TACC2: variants seen among roughly 807,000 people sequenced by gnomAD.
TACC2 encodes the protein transforming acidic coiled-coil-containing protein 2.
Under a neutral mutation model 227.3 loss-of-function variants are expected in TACC2, and 137 were observed. The ratio of observed to expected loss-of-function variants is 0.60; its 90% CI spans 0.52 to 0.69. The LOEUF is 0.69. TACC2 is among the 30% of genes least tolerant of loss of function. The pLI, the probability that TACC2 is intolerant of heterozygous loss-of-function variation, is 0.00. For synonymous variants in TACC2, 1,523 were observed against 1,487.5 expected (o/e 1.02, Z -0.55); for missense variants, 3,470 against 3,694.4 (o/e 0.94, Z 1.57).
chr10:122,070,915 C>A (rs1008980243), intron 3 of TACC2, among the ~76,000 whole-genome samples: 1 of 151,644 alleles, frequency 6.6e-6, no homozygotes, highest in Non-Finnish European at 1.5e-5. Context: ...CAGAGGAAGA[C>A]CCTGTCTGGA....
At chr10:122,014,799 G>C (rs1057245035) in intron 1 of TACC2, among the ~76,000 whole-genome samples, 16 of 152,170 alleles carry the variant, frequency 1.1e-4, no homozygotes, top group African/African-American at 3.1e-4. Flanking sequence ...CTCAGCCACA[G>C]TGATTAGTCA....
chr10:122,027,058 A>G (rs1275242408), intron 2 of TACC2, among the ~76,000 whole-genome samples: 1 of 152,172 alleles, frequency 6.6e-6, no homozygotes, highest in African/African-American at 2.4e-5. Flanking sequence ...AAGTGGCTGT[A>G]CCATTTTGCG....
chr10:122,066,815 T>C (rs1345068290), intron 3 of TACC2, among the ~76,000 whole-genome samples: 1 of 152,262 alleles, frequency 6.6e-6, no homozygotes. Flanking sequence ...TTTTTTGCCT[T>C]CTTTTGGATT....
At position 122,083,695 on chromosome 10, in the gene TACC2, G is replaced by C. The variant is rs141547215; in HGVS notation, c.1195G>C (p.Gly399Arg). 1 of 1,613,044 alleles carries C rather than the reference G, an allele frequency of 6.2e-7. No individual in the cohort carries two copies. The highest frequency in any genetic ancestry group is 1.3e-5 in the African/African-American group (1 of 74,938). Residue 399 changes from glycine to arginine, a missense_variant, in exon 4 of 23, where the codon GGG becomes CGG. By Grantham distance (125) the Gly-to-Arg change is moderately radical. Coordinates refer to ENST00000369005, the MANE Select transcript of TACC2 (RefSeq NM_206862.4). ...TGTGGCAGCAGGCGGCCAGCCCGAA[G>C]GGGGTTTGCCTGTGAGCCCTGAACC... ...VCVAAGGQPE[G>R]GLPVSPEPSL... is the part of the protein sequence containing the mutation.
intron 7 of TACC2, among the ~76,000 whole-genome samples, chr10:122,186,804 C>T (rs1309845648): frequency 6.6e-6 from 1 of 152,212 alleles, no homozygotes; most frequent in Non-Finnish European, 1.5e-5. Flanking sequence ...TGTGACACCG[C>T]CCCCGGCCAA....
In TACC2 at chr10:122,085,933, C is replaced by T; in HGVS notation, c.3433C>T (p.Gln1145Ter). 6.2e-7 allele frequency: 1 copy of T among 1,613,166 alleles called. No individual in the cohort carries two copies. Among genetic ancestry groups the T allele is most frequent in the Non-Finnish European group, 8.5e-7 (1 of 1,179,486 alleles). Residue 1145 changes from glutamine (Q) to a stop codon, truncating the protein, a stop_gained, in exon 4 of 23, where the codon CAG becomes TAG. Coordinates refer to ENST00000369005, the MANE Select transcript of TACC2 (RefSeq NM_206862.4). LOFTEE classifies it high-confidence loss of function. The part of the protein sequence containing the change: ...SAGAGDPGKQ[Q>*]APEKPGEATL... ...TGGTGCAGGAGACCCAGGAAAGCAG[C>T]AGGCTCCGGAGAAACCTGGAGAAGC...
chr10:122,070,766 A>AG lies in TACC2; in HGVS notation c.147-11881_147-11880insG, dbSNP rs1403158894. Among the ~76,000 whole-genome samples the AG allele has an allele frequency of 3.4e-3, 518 of 151,332 alleles. 4 individuals are homozygous for AG. The highest frequency in any genetic ancestry group is 0.012 in the African/African-American group (491 of 41,172). On this transcript the variant is annotated intron_variant, in intron 3 of 22. Transcript: ENST00000369005. Reference sequence around the variant, plus strand: ...AAAATTCCGTCTCAAAAAAAAAAAAAAAAAAGAAATTAGCTAGGTGTGGTA... The same window carrying AG: ...AAAATTCCGTCTCAAAAAAAAAAAAAGAAAAAGAAATTAGCTAGGTGTGGTA...
At chr10:122,220,493 C>G (rs1213109786) in intron 11 of TACC2, among the ~76,000 whole-genome samples, 1 of 152,172 alleles carries the variant, frequency 6.6e-6, no homozygotes, top group Non-Finnish European at 1.5e-5. Flanking sequence ...CTAACACACC[C>G]AGGGTCCCCC....
intron 16 of TACC2, among the ~76,000 whole-genome samples, chr10:122,233,252 A>T (rs573285567): frequency 6.6e-6 from 1 of 152,302 alleles, no homozygotes; most frequent in East Asian, 1.9e-4. Context: ...GGTCACTGGA[A>T]ATGTGGTACA....
In TACC2 at chr10:122,050,706, ACCTC is replaced by A; in HGVS notation, c.146+157_146+160del. On this transcript the variant is annotated intron_variant, in intron 3 of 22. Coordinates refer to ENST00000369005, the MANE Select transcript of TACC2 (RefSeq NM_206862.4). The surrounding 1 kb of genome is among the most constrained non-coding windows in gnomAD (Gnocchi z 4.6). Reference sequence around the variant, plus strand: ...AGATGTTCCAAGCAGTGGTTCACAGACCTCTCTGTGACTGGCTAGGCCTGCATGA... The same window carrying A: ...AGATGTTCCAAGCAGTGGTTCACAGATCTGTGACTGGCTAGGCCTGCATGA... 1.6e-6 allele frequency: 1 copy of A among 612,012 alleles called. No homozygotes were observed. The highest frequency in any genetic ancestry group is 2.9e-6 in the Non-Finnish European group (1 of 342,756). 37.9% of individuals were successfully genotyped at this position (612,012 alleles called of 1,614,324 possible).
Position 122,084,407 on chromosome 10 carries a change from C to T in TACC2, c.1907C>T (p.Pro636Leu), listed in dbSNP as rs113893072. The T allele has an allele frequency of 1.3e-3, 2,080 of 1,612,990 alleles. 4 individuals carry two copies. The highest frequency in any genetic ancestry group is 1.6e-3 in the Non-Finnish European group (1,926 of 1,180,030). Residue 636 changes from proline (P) to leucine (L), a missense_variant, in exon 4 of 23, where the codon CCC becomes CTC. By Grantham distance (98) the Pro-to-Leu change is moderately conservative. Around this residue, in one of 10 missense-constraint regions of TACC2, gnomAD observed 1,924 missense variants for 1,978.3 expected, o/e 0.97. Coordinates refer to ENST00000369005, the MANE Select transcript of TACC2 (RefSeq NM_206862.4). ...DHPSSHSAQP[P>L]RKGGAGHTDG... is the part of the protein sequence containing the mutation. ...CCCAGCTCACACTCAGCACAGCCAC[C>T]CAGAAAGGGGGGTGCTGGGCACACG...
chr10:122,000,021 A>G (rs1401183801), intron 1 of TACC2, among the ~76,000 whole-genome samples: 1 of 152,220 alleles, frequency 6.6e-6, no homozygotes, highest in African/African-American at 2.4e-5. Context: ...AAGACTTGGG[A>G]TCCAACACTT....
intron 7 of TACC2, among the ~76,000 whole-genome samples, chr10:122,157,910 G>A (rs912737877): frequency 9.9e-5 from 15 of 151,706 alleles, no homozygotes; most frequent in Admixed American, 3.3e-4. Context: ...CAGTCTTTTC[G>A]AACGTGGTAT....
chr10:122,019,232 T>C (rs911620452), intron 1 of TACC2, among the ~76,000 whole-genome samples: 1 of 152,214 alleles, frequency 6.6e-6, no homozygotes, highest in Non-Finnish European at 1.5e-5. Context: ...ATGACCTCAC[T>C]TGCCGAAACT....
intron 7 of TACC2, chr10:122,192,846 G>A: frequency 2.3e-6 from 1 of 439,638 alleles, no homozygotes; most frequent in Non-Finnish European, 4.7e-6. Flanking sequence ...ATGGTGCAGT[G>A]CTGGGGGCCT....
At chr10:122,239,139 G>T (rs2095925995) in intron 18 of TACC2, among the ~76,000 whole-genome samples, 1 of 152,140 alleles carries the variant, frequency 6.6e-6, no homozygotes, top group African/African-American at 2.4e-5. Context: ...AAGTAGCTGG[G>T]ATTACAGGCA....
intron 7 of TACC2, among the ~76,000 whole-genome samples, chr10:122,160,572 C>T (rs891887140): frequency 1.3e-5 from 2 of 151,818 alleles, no homozygotes; most frequent in African/African-American, 2.4e-5. Context: ...TCTTTTTATA[C>T]GGGTATAATC....
At chr10:122,224,660 T>G (rs998135457) in intron 11 of TACC2, 66 bp from the exon 12 acceptor site, 18 of 1,485,848 alleles carry the variant, frequency 1.2e-5, no homozygotes, top group Non-Finnish European at 1.7e-5. Flanking sequence ...ATCTTCCCAT[T>G]TTTTTCCTCT....
chr10:122,031,664 A>G (rs1958993232), intron 2 of TACC2, among the ~76,000 whole-genome samples: 1 of 151,324 alleles, frequency 6.6e-6, no homozygotes, highest in African/African-American at 2.4e-5. Flanking sequence ...TGGCCTCCCA[A>G]AGTGCTGGGA....
Sources: gnomAD v4.1 joint callset for allele counts (sites outside exome capture counted in the v4.1 genomes callset) on GRCh38, gnomAD v4.1.1 for gene constraint, gnomAD v4.1.1 regional missense constraint, Gnocchi (gnomAD v3.1) non-coding constraint, MANE v1.5 for transcripts, NCBI Gene and HGNC (gene_info 2026-07-23, HGNC 2026-07-21) for gene names.